The following ZC3H12B variants were observed in gnomAD, a reference collection of about 807,000 sequenced individuals.
ZC3H12B encodes zinc finger CCCH-type containing 12B, also known as probable ribonuclease ZC3H12B.
Under a neutral mutation model 43.9 loss-of-function variants are expected in ZC3H12B, and 7 were observed. The observed-to-expected ratio is 0.16, with a 90% CI of 0.09 to 0.30. The LOEUF is 0.30. ZC3H12B is among the 10% of genes least tolerant of loss of function. The pLI is 1.00. For missense variants in ZC3H12B, 475 were observed against 670.2 expected, an observed-to-expected ratio of 0.71 and a Z score of 3.22; for synonymous variants, 222 against 241.7, an observed-to-expected ratio of 0.92 and a Z score of 0.76.
At chrX:65,152,930 A>G in the ZC3H12B span, among the ~76,000 whole-genome samples, 51 of 111,889 alleles carry the variant, frequency 4.6e-4, no homozygotes, top group East Asian at 3.6e-3. Context: ...GTAATGCCAC[A>G]TATCTACAAC....
the ZC3H12B span, among the ~76,000 whole-genome samples, chrX:65,164,391 C>T: frequency 6.3e-5 from 7 of 111,125 alleles, no homozygotes; most frequent in South Asian, 7.5e-4. Context: ...CCTCAAACAC[C>T]GCTCAGGTTT....
intron 3 of ZC3H12B, among the ~76,000 whole-genome samples, chrX:65,437,926 G>C (rs555109457): frequency 8.9e-6 from 1 of 112,283 alleles, no homozygotes; most frequent in South Asian, 3.7e-4. Context: ...TGCAGCAAGA[G>C]ATAAGAGTCT....
the ZC3H12B span, among the ~76,000 whole-genome samples, chrX:65,313,351 ACT>A: frequency 1.8e-5 from 2 of 112,101 alleles, no homozygotes; most frequent in African/African-American, 6.5e-5. Flanking sequence ...CAGGAAAATG[ACT>A]CTTGCTATTC....
chrX:65,203,345 T>A, the ZC3H12B span, among the ~76,000 whole-genome samples: 61 of 111,555 alleles, frequency 5.5e-4, no homozygotes, highest in South Asian at 6.5e-3. Context: ...GTGTTACACC[T>A]GAAGCCAACA....
upstream of ZC3H12B, among the ~76,000 whole-genome samples, chrX:65,484,131 T>C (rs2068096356): frequency 9.0e-6 from 1 of 111,725 alleles, no homozygotes; most frequent in African/African-American, 3.3e-5. Flanking sequence ...GATTGCTGGG[T>C]CAAATGGTAT....
the ZC3H12B span, among the ~76,000 whole-genome samples, chrX:65,167,696 G>T: frequency 9.0e-5 from 10 of 111,598 alleles, no homozygotes; most frequent in Non-Finnish European, 1.5e-4. Flanking sequence ...TCTTCCATTT[G>T]TTTGTGTCCT....
chrX:65,477,817 CTGTGTGTGTGTGTG>C (rs746164349), intron 3 of ZC3H12B, among the ~76,000 whole-genome samples: 8 of 92,985 alleles, frequency 8.6e-5, no homozygotes, highest in Non-Finnish European at 1.5e-4. Flanking sequence ...AAACATTCCT[CTGTGTGTGTGTGTG>C]TGTGTGTGTG....
the ZC3H12B span, among the ~76,000 whole-genome samples, chrX:65,227,572 C>CA: frequency 9.0e-6 from 1 of 111,205 alleles, no homozygotes; most frequent in African/African-American, 3.3e-5. Flanking sequence ...AAAAACCCTT[C>CA]AAAAAATTAA....
At chrX:65,054,223 A>G in the ZC3H12B span, among the ~76,000 whole-genome samples, 1 of 111,866 alleles carries the variant, frequency 8.9e-6, no homozygotes, top group Non-Finnish European at 1.9e-5. Flanking sequence ...GTTTTCTTCT[A>G]GAGTTTTTAT....
chrX:65,242,881 G>C, the ZC3H12B span, among the ~76,000 whole-genome samples: 1 of 112,231 alleles, frequency 8.9e-6, no homozygotes, highest in Admixed American at 9.4e-5. Flanking sequence ...TTTGAGAAAG[G>C]ACCATTTCTT....
upstream of ZC3H12B, among the ~76,000 whole-genome samples, chrX:65,362,000 A>C: frequency 8.9e-6 from 1 of 112,250 alleles, no homozygotes; most frequent in Non-Finnish European, 1.9e-5. Flanking sequence ...CAAGTGCCAG[A>C]AATCTGGCCA....
intron 2 of ZC3H12B, among the ~76,000 whole-genome samples, chrX:65,385,506 T>C (rs1414272455): frequency 8.9e-6 from 1 of 112,457 alleles, no homozygotes; most frequent in East Asian, 2.8e-4. Context: ...TTTTGTATTA[T>C]GAGAGTTTGC....
the ZC3H12B span, among the ~76,000 whole-genome samples, chrX:65,303,372 T>C: frequency 8.9e-6 from 1 of 111,983 alleles, no homozygotes; most frequent in Non-Finnish European, 1.9e-5. Flanking sequence ...TAAAAGTTTT[T>C]AAAATAATAT....
chrX:65,173,939 T>G, the ZC3H12B span, among the ~76,000 whole-genome samples: 1 of 111,486 alleles, frequency 9.0e-6, no homozygotes, highest in South Asian at 3.8e-4. Flanking sequence ...GGGGTCCTTT[T>G]TTTTGATGTT....
chrX:65,379,900 T>A (rs1014314381), intron 2 of ZC3H12B, among the ~76,000 whole-genome samples: 6 of 110,604 alleles, frequency 5.4e-5, no homozygotes, highest in African/African-American at 2.0e-4. Flanking sequence ...GAAGGGAAAT[T>A]TAGAGAAAAA....
At chrX:65,168,674 C>A in the ZC3H12B span, among the ~76,000 whole-genome samples, 153 of 111,174 alleles carry the variant, frequency 1.4e-3, no homozygotes, top group Middle Eastern at 9.3e-3. Flanking sequence ...TGGTCCTGGA[C>A]TTTTTTTGAT....
chrX:65,296,251 CA>C, the ZC3H12B span, among the ~76,000 whole-genome samples: 1 of 111,349 alleles, frequency 9.0e-6, no homozygotes, highest in Non-Finnish European at 1.9e-5. Flanking sequence ...TGAAGTAACT[CA>C]GGAATGGAAA....
exon 5 of ZC3H12B, chrX:65,504,745 A>T (rs1453418981): frequency 8.9e-6 from 1 of 112,928 alleles, no homozygotes; most frequent in Non-Finnish European, 1.9e-5. Context: ...ATTGGATGAA[A>T]TGTAATGGAG....
At chrX:65,230,965 A>G in the ZC3H12B span, among the ~76,000 whole-genome samples, 1 of 112,335 alleles carries the variant, frequency 8.9e-6, no homozygotes, top group Non-Finnish European at 1.9e-5. Context: ...ATTTGAGATA[A>G]TAACTTTAAC....
Sources: allele counts gnomAD v4.1 joint callset (sites outside exome capture counted in the v4.1 genomes callset), GRCh38; gene constraint gnomAD v4.1.1; transcripts MANE v1.5; gene names NCBI Gene and HGNC (gene_info 2026-07-23, HGNC 2026-07-21).